The following POLR2E variants were observed in gnomAD, a reference collection of about 807,000 sequenced individuals.
POLR2E encodes RNA polymerase II, I and III subunit E.
A neutral mutation model predicts 29.8 loss-of-function variants in POLR2E; 35 were observed. The ratio of observed to expected loss-of-function variants is 1.17; its 90% CI spans 0.90 to 1.55. The LOEUF (loss-of-function observed/expected upper bound fraction) is 1.55. Ranked by LOEUF, POLR2E falls within the 40% of genes most tolerant of loss-of-function variation. The probability of loss-of-function intolerance (pLI) is 0.00; values close to 1 mark genes in which losing one functional copy is unlikely to be tolerated. For missense variants in POLR2E, 287 were observed against 288.6 expected, an observed-to-expected ratio of 0.99 and a Z score of 0.04; for synonymous variants, 174 against 112.6, an observed-to-expected ratio of 1.55 and a Z score of -3.45.
chr19:1,089,109 T>C (rs2043773102), intron 7 of POLR2E, among the ~76,000 whole-genome samples: 1 of 152,192 alleles, frequency 6.6e-6, no homozygotes, highest in African/African-American at 2.4e-5. Context: ...GGCCTGAAGC[T>C]GTGCCTCCTC....
chr19:1,090,760 G>T (rs2043812075), intron 4 of POLR2E, 148 bp downstream of exon 4: 3 of 679,942 alleles, frequency 4.4e-6, no homozygotes, highest in Admixed American at 3.0e-5. Flanking sequence ...GGCTGCTGCA[G>T]GCCCAGGGCC....
intron 3 of POLR2E, 75 bp downstream of exon 3, chr19:1,091,717 G>A: frequency 9.8e-7 from 1 of 1,017,222 alleles, no homozygotes; most frequent in Non-Finnish European, 1.5e-6. Context: ...AGGCACGTGG[G>A]CCGCCTGTGG....
At position 1,087,955 on chromosome 19, in the gene POLR2E, A is replaced by T. The variant is rs1186111568; in HGVS notation, c.*780T>A. 4.0e-5 allele frequency: 6 copies of T among 150,942 alleles called. No individual in the cohort carries two copies. Among genetic ancestry groups the T allele is most frequent in the Non-Finnish European group, 8.8e-5 (6 of 68,064 alleles). The allele number at this position is 150,942 out of a possible 1,614,324, so 9.4% of individuals were successfully genotyped here. On this transcript the variant is annotated 3_prime_UTR_variant, in exon 8 of 8. Coordinates refer to ENST00000615234, the MANE Select transcript of POLR2E (RefSeq NM_002695.5). ...ACTGGCCGCAAACCACAGCTGCACA[A>T]GCCAGAGAACAACTCCACACCCTCA...
In POLR2E at chr19:1,091,834, A is replaced by G. The variant is rs749917787; in HGVS notation, c.306T>C (p.Ala102=). The G allele has an allele frequency of 6.2e-7, 1 of 1,612,914 alleles. No homozygotes were observed. Among genetic ancestry groups the G allele is most frequent in the Non-Finnish European group, 8.5e-7 (1 of 1,179,796 alleles). The change falls in exon 3 of 8, where the codon GCT becomes GCC. Residue 102 remains alanine, a synonymous_variant. Coordinates refer to ENST00000615234, the MANE Select transcript of POLR2E (RefSeq NM_002695.5). ...TCATGCCCTGCTGCACCACGATGAGAGCCCGTGTGATGTTCTCCTCCTGCA... is the reference window on the plus strand; with the variant it reads ...TCATGCCCTGCTGCACCACGATGAGGGCCCGTGTGATGTTCTCCTCCTGCA... ...QRMQEENITR[A]LIVVQQGMTP...
chr19:1,093,767 G>C, intron 2 of POLR2E, 137 bp downstream of exon 2: 1 of 1,416,478 alleles, frequency 7.1e-7, no homozygotes, highest in Non-Finnish European at 9.2e-7. Context: ...GCAAGGAAGG[G>C]GAGGGGAGTT....
rs1258645427 is a variant in POLR2E, at chr19:1,090,134, C to T, written c.441G>A (p.Glu147=). 4 of 1,612,506 alleles carry T rather than the reference C, an allele frequency of 2.5e-6. No individual in the cohort carries two copies. The African/African-American group carries it at 5.3e-5, about 22-fold the overall frequency. ...INITEHELVP[E]HVVMTKEEVT... ...CCTCCTCCTTGGTCATGACGACGTG[C>T]TCAGGGACTAGCTGCCGAGAGAGGA... Residue 147 remains glutamate (E), a synonymous_variant, in exon 5 of 8, where the codon GAG becomes GAA. Coordinates refer to ENST00000615234, the MANE Select transcript of POLR2E (RefSeq NM_002695.5).
At chr19:1,094,113 G>A (rs571363622) in intron 1 of POLR2E, 35 bp from the exon 2 acceptor site, 15 of 1,578,002 alleles carry the variant, frequency 9.5e-6, no homozygotes, top group Admixed American at 1.8e-5. Context: ...CCCCAGGGCA[G>A]AGAGAGGAAG....
intron 2 of POLR2E, chr19:1,093,614 A>G (rs2043883997): frequency 1.8e-6 from 1 of 545,210 alleles, no homozygotes; most frequent in Non-Finnish European, 2.7e-6. Flanking sequence ...AAGGGACACT[A>G]GGGCAAAGGA....
At chr19:1,093,249 G>A (rs572815262) in intron 2 of POLR2E, among the ~76,000 whole-genome samples, 129 of 152,270 alleles carry the variant, frequency 8.5e-4, no homozygotes, top group African/African-American at 2.9e-3. Context: ...GTTGGCAGAC[G>A]TGCTCCGTCA....
rs889142290 is a variant in POLR2E at position 1,087,994 on chromosome 19, G to T, written c.*741C>A. ...TCCACACCCTCACGGGAAGGGAAGA[G>T]ACAGACACGCTCACGCCTTACCCAG... On this transcript the variant is annotated 3_prime_UTR_variant, in exon 8 of 8. Coordinates refer to ENST00000615234, the MANE Select transcript of POLR2E (RefSeq NM_002695.5). 6.6e-6 allele frequency: 1 copy of T among 152,458 alleles called. No individual in the cohort carries two copies. Among genetic ancestry groups the T allele is most frequent in the South Asian group, 2.1e-4 (1 of 4,834 alleles). 9.4% of individuals were successfully genotyped at this position (152,458 alleles called of 1,614,324 possible). A position where few individuals can be genotyped will look rare whatever the true frequency, so the allele number is the denominator to read the frequency against.
chr19:1,092,735 G>C (rs2043864275), intron 2 of POLR2E, among the ~76,000 whole-genome samples: 1 of 151,436 alleles, frequency 6.6e-6, no homozygotes. Context: ...AGAAAAAGTA[G>C]CCAGGTGAGA....
intron 1 of POLR2E, 187 bp downstream of exon 1, chr19:1,095,072 T>TC: frequency 3.4e-6 from 2 of 583,972 alleles, no homozygotes; most frequent in Non-Finnish European, 5.9e-6. Flanking sequence ...CCCCCTCCCT[T>TC]CCCCGCTGCC....
rs377516383 is a variant in POLR2E at position 1,090,898 on chromosome 19, G to A, written c.429+10C>T. On this transcript the variant is annotated intron_variant, in intron 4 of 7. Coordinates refer to ENST00000615234, the MANE Select transcript of POLR2E (RefSeq NM_002695.5). ...CCCCACGCAGGCGGGATTCCGCGGC[G>A]CGCGCCCACCTCGTGCTCCGTGATG... 9.3e-5 allele frequency: 150 copies of A among 1,610,738 alleles called. No individual in the cohort carries two copies. In the Middle Eastern group the frequency reaches 2.5e-3, roughly 27 times the overall value.
In POLR2E at chr19:1,086,734, GCCT is replaced by G. The variant is rs1568497686; in HGVS notation, c.*1998_*2000del. The G allele has an allele frequency of 1.3e-5, 2 of 152,172 alleles. No individual in the cohort carries two copies. The highest frequency in any genetic ancestry group is 4.8e-5 in the African/African-American group (2 of 41,410). 9.4% of individuals were successfully genotyped at this position (152,172 alleles called of 1,614,324 possible). On this transcript the variant is annotated 3_prime_UTR_variant, in exon 8 of 8. Transcript: ENST00000615234. The stretch of plus-strand genomic sequence containing the variant: ...AGAGAGCCCCGTGGCGTGGCCCTGG[GCCT>G]CCCCCTAGGGGAGGGATGTGTGAGG...
In POLR2E at chr19:1,088,647, G is replaced by A. The variant is rs950086844; in HGVS notation, c.*88C>T. 1 of 152,686 alleles carries A rather than the reference G, an allele frequency of 6.5e-6. No homozygotes were observed. Among genetic ancestry groups the A allele is most frequent in the East Asian group, 1.9e-4 (1 of 5,216 alleles). The allele number at this position is 152,686 out of a possible 1,614,324, so 9.5% of individuals were successfully genotyped here. A position where few individuals can be genotyped will look rare whatever the true frequency, so the allele number is the denominator to read the frequency against. On this transcript the variant is annotated 3_prime_UTR_variant, in exon 8 of 8. Coordinates refer to ENST00000615234, the MANE Select transcript of POLR2E (RefSeq NM_002695.5). ...GAGGAGCAGCAGCCGTGAGAGCTGT[G>A]GGGGCCGGATTCTGGCAGGGCAGGG...
intron 6 of POLR2E, 22 bp from the exon 7 acceptor site, chr19:1,089,573 G>A (rs776806763): frequency 1.9e-6 from 3 of 1,604,946 alleles, no homozygotes; most frequent in Admixed American, 1.7e-5. Context: ...GAGAGCAGGG[G>A]CTGCGAATGC....
rs1379272778 is a variant in POLR2E at position 1,087,315 on chromosome 19, G to GGTAATTTTT, written c.*1411_*1419dup. 2.0e-5 allele frequency: 3 copies of GGTAATTTTT among 152,124 alleles called. No individual in the cohort carries two copies. Among genetic ancestry groups the GGTAATTTTT allele is most frequent in the African/African-American group, 4.8e-5 (2 of 41,382 alleles). The allele number at this position is 152,124 out of a possible 1,614,324, so 9.4% of individuals were successfully genotyped here. ...TTACAGGCATGCACCACCACGCCCA[G>GGTAATTTTT]GTAATTTTTGTATTTTTTGCAGTGA... On this transcript the variant is annotated 3_prime_UTR_variant, in exon 8 of 8. Coordinates refer to ENST00000615234, the MANE Select transcript of POLR2E (RefSeq NM_002695.5).
At chr19:1,090,208 G>A (rs1260326558) in intron 4 of POLR2E, 63 bp from the exon 5 acceptor site, 3 of 1,408,324 alleles carry the variant, frequency 2.1e-6, no homozygotes, top group East Asian at 2.3e-5. Context: ...TGGCTCCCAG[G>A]TGCCACCACA....
intron 4 of POLR2E, 130 bp from the exon 5 acceptor site, chr19:1,090,275 CAG>C (rs1036296145): frequency 5.5e-5 from 43 of 781,364 alleles, no homozygotes; most frequent in Non-Finnish European, 8.7e-5. Flanking sequence ...CCCCGGCACT[CAG>C]GGAGCCCACC....
Sources: allele counts gnomAD v4.1 joint callset (sites outside exome capture counted in the v4.1 genomes callset), GRCh38; gene constraint gnomAD v4.1.1; transcripts MANE v1.5; gene names NCBI Gene and HGNC (gene_info 2026-07-23, HGNC 2026-07-21).